The following ACTN2 variants were observed in gnomAD, a reference collection of about 807,000 sequenced individuals.
ACTN2 encodes the protein alpha-actinin-2.
In ACTN2, 39 loss-of-function variants were observed where a neutral mutation model predicts 113.8. The observed-to-expected ratio is 0.34, with a 90% CI of 0.27 to 0.45. The LOEUF is 0.45. Among genes scored for constraint, ACTN2 ranks in the 20% least tolerant of loss-of-function variants. The pLI is 1.00. For synonymous variants in ACTN2, 429 were observed against 444.1 expected (o/e 0.97, Z 0.43); for missense variants, 992 against 1,177.9 (o/e 0.84, Z 2.31).
intron 2 of ACTN2, 126 bp downstream of exon 2, chr1:236,718,098 G>T: frequency 1.3e-6 from 1 of 759,002 alleles, no homozygotes; most frequent in South Asian, 1.5e-5. Context: ...TATTGCCAAA[G>T]AAAACCTTTC....
chr1:236,751,610 C>T lies in ACTN2; in HGVS notation c.1797C>T (p.Tyr599=), dbSNP rs1553303873. 1.9e-6 allele frequency: 3 copies of T among 1,614,026 alleles called. No homozygotes were observed. Among genetic ancestry groups the T allele is most frequent in the Non-Finnish European group, 2.5e-6 (3 of 1,179,922 alleles). Residue 599 remains tyrosine (Y), a synonymous_variant, in exon 15 of 21, where the codon TAC becomes TAT. Transcript: ENST00000366578. ...TCAGAATCAGCTCAAGCAACCCGTA[C>T]AGCACTGTCACCATGGATGAGCTCC... ...YNIRISSSNP[Y]STVTMDELRT...
chr1:236,745,660 G>A (rs962528587), intron 12 of ACTN2, among the ~76,000 whole-genome samples: 8 of 152,044 alleles, frequency 5.3e-5, no homozygotes, highest in Non-Finnish European at 1.0e-4. Flanking sequence ...CCTGGGGTGC[G>A]GCTGCCCTCA....
chr1:236,762,403 C>G, intron 20 of ACTN2, 58 bp from the exon 21 acceptor site: 4 of 1,599,646 alleles, frequency 2.5e-6, no homozygotes, highest in Non-Finnish European at 3.4e-6. Context: ...AGTATTAAGA[C>G]TGTTTATGTT....
intron 12 of ACTN2, 54 bp from the exon 13 acceptor site, chr1:236,747,613 A>G (rs575575368): frequency 5.3e-4 from 798 of 1,510,466 alleles, no homozygotes; most frequent in Non-Finnish European, 7.0e-4. Context: ...GCCCATGTTC[A>G]TTTTCTCTCA....
At chr1:236,708,826 C>T (rs553273846) in intron 1 of ACTN2, among the ~76,000 whole-genome samples, 1 of 152,294 alleles carries the variant, frequency 6.6e-6, no homozygotes, top group Admixed American at 6.5e-5. Flanking sequence ...GCAGAGCCTC[C>T]TTTCTTAAGG....
chr1:236,719,798 C>CA lies in ACTN2; in HGVS notation c.362-292dup, dbSNP rs202216207. 6.9e-3 allele frequency among the ~76,000 whole-genome samples: 640 copies of CA among 92,610 alleles called. 2 individuals are homozygous for CA. The highest frequency in any genetic ancestry group is 0.019 in the Middle Eastern group (3 of 162). 60.8% of individuals were successfully genotyped at this position (92,610 alleles called of 152,430 possible). A position where few individuals can be genotyped will look rare whatever the true frequency, so the allele number is the denominator to read the frequency against. On this transcript the variant is annotated intron_variant, in intron 3 of 20. Transcript: ENST00000366578. Reference sequence around the variant, plus strand: ...TGGGCGACAGAGTGAGACTCCATCTCAAAAAAAAAAAAAAACCTTAGCTAT... The same window carrying CA: ...TGGGCGACAGAGTGAGACTCCATCTCAAAAAAAAAAAAAAAACCTTAGCTAT...
chr1:236,724,838 CTTTTTTTTTTT>C (rs5781922), intron 4 of ACTN2, among the ~76,000 whole-genome samples: 2 of 81,674 alleles, frequency 2.4e-5, no homozygotes, highest in African/African-American at 4.0e-5. Flanking sequence ...TGGGTTTTTC[CTTTTTTTTTTT>C]TTTTTTTTTT....
chr1:236,725,901 C>T, intron 4 of ACTN2, 32 bp from the exon 5 acceptor site: 1 of 1,606,386 alleles, frequency 6.2e-7, no homozygotes, highest in Non-Finnish European at 8.5e-7. Context: ...CGGCATTTCC[C>T]TGGGGCCACT....
chr1:236,717,260 A>G (rs909075000), intron 1 of ACTN2, among the ~76,000 whole-genome samples: 7 of 152,078 alleles, frequency 4.6e-5, no homozygotes, highest in Non-Finnish European at 8.8e-5. Context: ...CCTGGGCAAC[A>G]TAGCAAGACC....
At chr1:236,744,483 C>T (rs566997381) in intron 11 of ACTN2, 143 bp from the exon 12 acceptor site, 1 of 1,007,118 alleles carries the variant, frequency 9.9e-7, no homozygotes, top group Admixed American at 2.0e-5. Context: ...CCATCACAAC[C>T]CTGGCCTGCA....
At chr1:236,724,835 T>G (rs58219638) in intron 4 of ACTN2, among the ~76,000 whole-genome samples, 3,329 of 134,596 alleles carry the variant, frequency 0.025, 122 homozygotes, top group African/African-American at 0.083. Flanking sequence ...TGCTGGGTTT[T>G]TCCTTTTTTT....
intron 10 of ACTN2, among the ~76,000 whole-genome samples, chr1:236,739,941 C>T (rs1187490692): frequency 6.6e-6 from 1 of 152,154 alleles, no homozygotes; most frequent in Admixed American, 6.5e-5. Context: ...CACTTTCTCC[C>T]TCTCCACCGA....
chr1:236,753,875 T>C (rs1659471749), intron 15 of ACTN2, 72 bp from the exon 16 acceptor site: 2 of 910,676 alleles, frequency 2.2e-6, no homozygotes, highest in Middle Eastern at 2.4e-4. Context: ...CTTGGACTAT[T>C]CCCGCATTCT....
At chr1:236,703,482 G>A (rs3905577) in intron 1 of ACTN2, among the ~76,000 whole-genome samples, 1 of 113,602 alleles carries the variant, frequency 8.8e-6, no homozygotes, top group Admixed American at 1.1e-4. Context: ...ACATGTCTTA[G>A]ACTTTGATTC....
chr1:236,751,364 T>G, intron 14 of ACTN2, 106 bp from the exon 15 acceptor site: 2 of 1,357,444 alleles, frequency 1.5e-6, no homozygotes, highest in Non-Finnish European at 2.1e-6. Flanking sequence ...CTCCAGAGAC[T>G]CTTGCAATCA....
intron 14 of ACTN2, 78 bp from the exon 15 acceptor site, chr1:236,751,392 G>A: frequency 1.3e-6 from 2 of 1,524,412 alleles, no homozygotes; most frequent in Non-Finnish European, 9.0e-7. Context: ...ATTTACTTGT[G>A]TGCGGAAAGG....
intron 7 of ACTN2, among the ~76,000 whole-genome samples, chr1:236,732,103 G>A (rs1259664033): frequency 6.6e-6 from 1 of 152,244 alleles, no homozygotes; most frequent in Non-Finnish European, 1.5e-5. Context: ...ACTAATTAGT[G>A]ATGTTGGGGA....
At chr1:236,736,539 T>G (rs1429091455) in intron 8 of ACTN2, 1 of 1,439,198 alleles carries the variant, frequency 6.9e-7, no homozygotes, top group Non-Finnish European at 9.4e-7. Context: ...GTGTATTACC[T>G]CAATGACTTC....
chr1:236,722,521 G>A (rs1658426343), intron 4 of ACTN2, among the ~76,000 whole-genome samples: 1 of 150,954 alleles, frequency 6.6e-6, no homozygotes, highest in African/African-American at 2.4e-5. Context: ...TGTAATCCCA[G>A]CTACTCAGGC....
Sources: gnomAD v4.1 joint callset for allele counts (sites outside exome capture counted in the v4.1 genomes callset) on GRCh38, gnomAD v4.1.1 for gene constraint, MANE v1.5 for transcripts, NCBI Gene and HGNC (gene_info 2026-07-23, HGNC 2026-07-21) for gene names.